The following CSMD1 variants were observed in gnomAD, a reference collection of about 807,000 sequenced individuals.
The protein encoded by CSMD1 is CUB and Sushi multiple domains 1.
Under a neutral mutation model 417.5 loss-of-function variants are expected in CSMD1, and 213 were observed. The observed-to-expected ratio is 0.51, with a 90% CI of 0.46 to 0.57. CSMD1 has a LOEUF of 0.57. Ranked by LOEUF, CSMD1 falls within the 20% of genes least tolerant of loss-of-function variation. CSMD1 has a pLI of 0.00. For synonymous variants in CSMD1, 2,862 were observed against 1,736.8 expected (o/e 1.65, Z -16.11); for missense variants, 6,923 against 4,529.7 (o/e 1.53, Z -15.17).
At chr8:3,323,105 A>C (rs1806262338) in intron 23 of CSMD1, among the ~76,000 whole-genome samples, 2 of 151,938 alleles carry the variant, frequency 1.3e-5, no homozygotes, top group Admixed American at 1.3e-4. Context: ...TTATCTTTCC[A>C]CCTCTAACAT....
At chr8:4,868,368 G>C (rs1366632025) in intron 1 of CSMD1, among the ~76,000 whole-genome samples, 1 of 151,986 alleles carries the variant, frequency 6.6e-6, no homozygotes, top group Non-Finnish European at 1.5e-5. Flanking sequence ...CCAGTAAACT[G>C]AGATGACAGG....
chr8:4,206,620 C>A (rs777303997), intron 3 of CSMD1, among the ~76,000 whole-genome samples: 1 of 152,298 alleles, frequency 6.6e-6, no homozygotes, highest in Non-Finnish European at 1.5e-5. Context: ...AGCTTTGCTA[C>A]TGTGAACAGT....
At chr8:3,274,214 C>T (rs2117172859) in intron 26 of CSMD1, among the ~76,000 whole-genome samples, 1 of 151,748 alleles carries the variant, frequency 6.6e-6, no homozygotes, top group South Asian at 2.1e-4. Context: ...GCAGGTTGTT[C>T]AGTTTCCATG....
At chr8:4,614,653 G>A (rs1454091803) in intron 2 of CSMD1, among the ~76,000 whole-genome samples, 1 of 151,858 alleles carries the variant, frequency 6.6e-6, no homozygotes, top group Non-Finnish European at 1.5e-5. Flanking sequence ...ATACAAACGT[G>A]CGCACACACA....
At chr8:4,787,873 G>C (rs1317887826) in intron 1 of CSMD1, 15 of 1,576,072 alleles carry the variant, frequency 9.5e-6, no homozygotes, top group Non-Finnish European at 1.2e-5. Flanking sequence ...TTGTACACTG[G>C]TTGATATGAA....
chr8:3,317,264 A>G (rs1217131199), intron 23 of CSMD1, among the ~76,000 whole-genome samples: 1 of 152,238 alleles, frequency 6.6e-6, no homozygotes, highest in Non-Finnish European at 1.5e-5. Context: ...TGAAATAATT[A>G]AAAATAAACA....
intron 5 of CSMD1, among the ~76,000 whole-genome samples, chr8:3,781,330 C>T (rs1044465206): frequency 1.3e-5 from 2 of 152,030 alleles, no homozygotes; most frequent in East Asian, 1.9e-4. Flanking sequence ...TCTTTTCATT[C>T]TTTACTCATT....
chr8:3,960,416 G>A (rs1467428396), intron 5 of CSMD1, among the ~76,000 whole-genome samples: 2 of 152,100 alleles, frequency 1.3e-5, no homozygotes, highest in Non-Finnish European at 2.9e-5. Context: ...CAGAAGACTA[G>A]ATAGTCCCTC....
intron 2 of CSMD1, among the ~76,000 whole-genome samples, chr8:4,485,998 C>T (rs905195928): frequency 1.3e-5 from 2 of 151,612 alleles, no homozygotes; most frequent in Admixed American, 6.6e-5. Flanking sequence ...GTGAATCCCT[C>T]CTTATGTAAT....
chr8:4,151,807 T>G (rs1481378136), intron 3 of CSMD1, among the ~76,000 whole-genome samples: 2 of 152,214 alleles, frequency 1.3e-5, no homozygotes, highest in African/African-American at 4.8e-5. Context: ...GAAAAATAAT[T>G]GTTCGAAGTT....
At chr8:4,907,373 G>T (rs982518838) in intron 1 of CSMD1, among the ~76,000 whole-genome samples, 8 of 152,130 alleles carry the variant, frequency 5.3e-5, no homozygotes, top group Non-Finnish European at 1.0e-4. Context: ...TAAATGAGAA[G>T]GTCCCTTGTT....
chr8:4,119,022 A>G (rs548402197), intron 3 of CSMD1, among the ~76,000 whole-genome samples: 10 of 152,182 alleles, frequency 6.6e-5, no homozygotes, highest in African/African-American at 2.4e-4. Context: ...GTTCTCACTC[A>G]TAAGTGGGAG....
chr8:3,124,720 A>T (rs1418399784), intron 41 of CSMD1, among the ~76,000 whole-genome samples: 1 of 152,194 alleles, frequency 6.6e-6, no homozygotes, highest in African/African-American at 2.4e-5. Context: ...AGACCACAGG[A>T]CGTTCATTAG....
intron 5 of CSMD1, among the ~76,000 whole-genome samples, chr8:3,961,324 A>C (rs796923958): frequency 1.9e-4 from 29 of 152,330 alleles, no homozygotes; most frequent in African/African-American, 6.3e-4. Context: ...CCTTTCAATT[A>C]AGGAAACATT....
intron 5 of CSMD1, among the ~76,000 whole-genome samples, chr8:3,796,681 T>A (rs561114415): frequency 6.6e-6 from 1 of 150,422 alleles, no homozygotes; most frequent in Admixed American, 6.7e-5. Context: ...TATGTATACA[T>A]TGGAAGGTTA....
chr8:4,970,489 C>T (rs917140174), intron 1 of CSMD1, among the ~76,000 whole-genome samples: 16 of 152,180 alleles, frequency 1.1e-4, no homozygotes, highest in Admixed American at 2.6e-4. Context: ...ATTATAACCC[C>T]ATTCTCATGG....
rs780867849 is a variant in CSMD1 at position 2,997,987 on chromosome 8, C to T, written c.8377+24G>A. ...CCTAGAACACTCTCAGAGCAAAGGGCTCATTCCTGGATGCTGTTCCTACCT... is the reference window on the plus strand; with the variant it reads ...CCTAGAACACTCTCAGAGCAAAGGGTTCATTCCTGGATGCTGTTCCTACCT... On this transcript the variant is annotated intron_variant, in intron 54 of 69. Coordinates refer to ENST00000635120, the MANE Select transcript of CSMD1 (RefSeq NM_033225.6). 4 of 1,606,676 alleles carry T rather than the reference C, an allele frequency of 2.5e-6. No individual in the cohort carries two copies. The South Asian group carries it at 4.5e-5, about 18-fold the overall frequency.
intron 1 of CSMD1, among the ~76,000 whole-genome samples, chr8:4,640,284 G>C (rs950225226): frequency 6.6e-6 from 1 of 152,176 alleles, no homozygotes; most frequent in Non-Finnish European, 1.5e-5. Context: ...GAATATCATC[G>C]TTGGCTGTCC....
chr8:4,355,132 G>A (rs1317850646), intron 3 of CSMD1, among the ~76,000 whole-genome samples: 1 of 151,830 alleles, frequency 6.6e-6, no homozygotes, highest in East Asian at 1.9e-4. Flanking sequence ...CGTGGTGGCG[G>A]GCGCCTGCAG....
Sources: allele counts gnomAD v4.1 joint callset (sites outside exome capture counted in the v4.1 genomes callset), GRCh38; gene constraint gnomAD v4.1.1; transcripts MANE v1.5; gene names NCBI Gene and HGNC (gene_info 2026-07-23, HGNC 2026-07-21).